NTN4: variants seen among roughly 807,000 people sequenced by gnomAD.
NTN4 encodes netrin 4.
In NTN4, 32 loss-of-function variants were observed where a neutral mutation model predicts 73.6. The observed-to-expected ratio is 0.44, with a 90% confidence interval of 0.33 to 0.58. The LOEUF is 0.58. Ranked by LOEUF, NTN4 falls within the 20% of genes least tolerant of loss-of-function variation. The pLI, the probability that NTN4 is intolerant of heterozygous loss-of-function variation, is 0.04. For missense variants in NTN4, 654 were observed against 798.3 expected, an observed-to-expected ratio of 0.82 and a Z score of 2.18; for synonymous variants, 258 against 287.5, an observed-to-expected ratio of 0.90 and a Z score of 1.04.
rs878915660 is a variant in NTN4, at chr12:95,790,385, C to A, written c.-76G>T. On this transcript the variant is annotated 5_prime_UTR_variant, in exon 1 of 10. Coordinates refer to ENST00000343702, the MANE Select transcript of NTN4 (RefSeq NM_021229.4). This position sits in a 1 kb window ranked among gnomAD's most constrained non-coding sequence, Gnocchi z 6.5. ...GAGACCTCTGGGCTGCGGGATGAAG[C>A]GCCGCCGTCCTCGGGAGGGAACGGG... 18 of 1,275,694 alleles carry A rather than the reference C, an allele frequency of 1.4e-5. No homozygotes were observed. Among genetic ancestry groups the A allele is most frequent in the Non-Finnish European group, 1.8e-5 (17 of 945,698 alleles). 79.0% of individuals were successfully genotyped at this position (1,275,694 alleles called of 1,614,324 possible).
chr12:95,759,486 TTTTTG>T (rs1399845732), intron 2 of NTN4, among the ~76,000 whole-genome samples: 1 of 130,426 alleles, frequency 7.7e-6, no homozygotes. Flanking sequence ...CCTAGTAGTA[TTTTTG>T]TTTTTTTTTT....
intron 5 of NTN4, among the ~76,000 whole-genome samples, chr12:95,702,858 G>GC (rs1555215983): frequency 8.1e-6 from 1 of 123,706 alleles, no homozygotes; most frequent in Non-Finnish European, 1.7e-5. Context: ...TTTTTTTTTG[G>GC]TTTTTTTTTT....
intron 5 of NTN4, among the ~76,000 whole-genome samples, chr12:95,684,324 G>C (rs561223909): frequency 6.6e-6 from 1 of 151,094 alleles, no homozygotes; most frequent in Admixed American, 6.6e-5. Context: ...TTTGAGAGAG[G>C]GTCTCACTCT....
chr12:95,687,796 T>A (rs1371228460), intron 5 of NTN4, among the ~76,000 whole-genome samples: 1 of 152,158 alleles, frequency 6.6e-6, no homozygotes, highest in African/African-American at 2.4e-5. Flanking sequence ...TATCTTCTTA[T>A]TTTTGTCTTT....
chr12:95,785,072 A>AT (rs1364784626), intron 2 of NTN4, among the ~76,000 whole-genome samples: 1 of 152,194 alleles, frequency 6.6e-6, no homozygotes, highest in Non-Finnish European at 1.5e-5. Flanking sequence ...CTCAGACTGT[A>AT]TTTTTGCAAT....
At chr12:95,767,115 G>T (rs2079025846) in intron 2 of NTN4, among the ~76,000 whole-genome samples, 2 of 152,098 alleles carry the variant, frequency 1.3e-5, no homozygotes, top group Admixed American at 1.3e-4. Flanking sequence ...TGCTCCCCGT[G>T]GAGCACCCAG....
intron 2 of NTN4, among the ~76,000 whole-genome samples, chr12:95,747,633 C>G (rs1565905848): frequency 6.6e-6 from 1 of 151,970 alleles, no homozygotes; most frequent in African/African-American, 2.4e-5. Flanking sequence ...TGTGTTTATG[C>G]TATGTTTTGA....
At chr12:95,749,359 A>G (rs2078886768) in intron 2 of NTN4, among the ~76,000 whole-genome samples, 1 of 152,178 alleles carries the variant, frequency 6.6e-6, no homozygotes, top group African/African-American at 2.4e-5. Context: ...TTGCTCCGTG[A>G]GAAAGATCCA....
chr12:95,749,602 G>A (rs1225667915), intron 2 of NTN4, among the ~76,000 whole-genome samples: 2 of 152,186 alleles, frequency 1.3e-5, no homozygotes, highest in African/African-American at 2.4e-5. Flanking sequence ...CGCCGGTCAC[G>A]GACTGGGAAG....
At chr12:95,710,759 T>C in intron 4 of NTN4, 130 bp from the exon 5 acceptor site, 1 of 783,414 alleles carries the variant, frequency 1.3e-6, no homozygotes, top group Non-Finnish European at 2.0e-6. Context: ...TCCCAGCACT[T>C]GTGGGAGGCT....
At chr12:95,707,672 T>C (rs1196557603) in intron 5 of NTN4, among the ~76,000 whole-genome samples, 8 of 152,190 alleles carry the variant, frequency 5.3e-5, no homozygotes, top group Non-Finnish European at 1.2e-4. Context: ...ATAAGCTCCT[T>C]GAGGGCAAGG....
chr12:95,770,662 G>A (rs1275051960), intron 2 of NTN4, among the ~76,000 whole-genome samples: 2 of 152,234 alleles, frequency 1.3e-5, no homozygotes, highest in Non-Finnish European at 2.9e-5. Context: ...ATTAAACAGT[G>A]TAAGAGGGTG....
chr12:95,738,268 GT>G, intron 2 of NTN4, 124 bp from the exon 3 acceptor site: 1 of 937,960 alleles, frequency 1.1e-6, no homozygotes, highest in Non-Finnish European at 1.6e-6. Context: ...ATAACAAGAA[GT>G]TTTTAGACCT....
intron 5 of NTN4, among the ~76,000 whole-genome samples, chr12:95,691,007 C>T (rs1237995697): frequency 1.3e-5 from 2 of 152,210 alleles, no homozygotes; most frequent in East Asian, 1.9e-4. Flanking sequence ...GTCAGCGTGA[C>T]TTCTCACATA....
intron 5 of NTN4, among the ~76,000 whole-genome samples, chr12:95,695,259 G>A (rs1188077920): frequency 6.6e-6 from 1 of 152,092 alleles, no homozygotes; most frequent in Non-Finnish European, 1.5e-5. Context: ...GGATGCATGA[G>A]ATCTGCCTCT....
intron 2 of NTN4, among the ~76,000 whole-genome samples, chr12:95,743,755 A>G (rs888629883): frequency 9.2e-5 from 14 of 152,206 alleles, no homozygotes; most frequent in African/African-American, 2.9e-4. Flanking sequence ...ATGACTCAGT[A>G]TATGTTCTGT....
chr12:95,752,787 T>C (rs1275871832), intron 2 of NTN4, among the ~76,000 whole-genome samples: 1 of 152,238 alleles, frequency 6.6e-6, no homozygotes, highest in Admixed American at 6.5e-5. Context: ...CTTACTGTTT[T>C]AGCCTAGCCC....
At chr12:95,744,784 T>C (rs1459495816) in intron 2 of NTN4, among the ~76,000 whole-genome samples, 1 of 152,166 alleles carries the variant, frequency 6.6e-6, no homozygotes, top group Admixed American at 6.5e-5. Flanking sequence ...TGGTATCATT[T>C]TTCTTCTGTC....
At chr12:95,710,369 G>T in intron 5 of NTN4, 72 bp downstream of exon 5, 2 of 1,248,572 alleles carry the variant, frequency 1.6e-6, no homozygotes, top group Non-Finnish European at 2.2e-6. Flanking sequence ...TTTTGGGTTA[G>T]CAGAATGAGG....
Sources: allele counts gnomAD v4.1 joint callset (sites outside exome capture counted in the v4.1 genomes callset), GRCh38; gene constraint gnomAD v4.1.1; non-coding constraint Gnocchi (gnomAD v3.1); transcripts MANE v1.5; gene names NCBI Gene and HGNC (gene_info 2026-07-23, HGNC 2026-07-21).